Variants in IQGAP2 observed in about 807,000 individuals in gnomAD.
IQGAP2 encodes the protein IQ motif containing GTPase activating protein 2, also known as ras GTPase-activating-like protein IQGAP2.
Under a neutral mutation model 201.3 loss-of-function variants are expected in IQGAP2, and 173 were observed. The observed-to-expected ratio is 0.86, with a 90% CI of 0.76 to 0.98. The LOEUF is 0.98. Among genes scored for constraint, IQGAP2 ranks in the 50% least tolerant of loss-of-function variants. The probability of loss-of-function intolerance (pLI) is 0.00; values close to 1 mark genes in which losing one functional copy is unlikely to be tolerated. For synonymous variants in IQGAP2, 675 were observed against 673.9 expected (o/e 1.00, Z -0.03); for missense variants, 1,687 against 1,864.8 (o/e 0.90, Z 1.76).
chr5:76,511,322 G>T (rs772482275), intron 2 of IQGAP2, among the ~76,000 whole-genome samples: 6 of 152,174 alleles, frequency 3.9e-5, no homozygotes, highest in Non-Finnish European at 7.3e-5. Flanking sequence ...CAAGATGGCT[G>T]CCATGTCTCC....
At chr5:76,517,604 CAAAAA>C (rs36102224) in intron 2 of IQGAP2, among the ~76,000 whole-genome samples, 1 of 83,282 alleles carries the variant, frequency 1.2e-5, no homozygotes, top group Admixed American at 1.3e-4. Context: ...GACCCTGTTT[CAAAAA>C]AAAAAAAAAA....
chr5:76,429,440 T>C (rs560090973), intron 1 of IQGAP2, among the ~76,000 whole-genome samples: 2,473 of 150,776 alleles, frequency 0.016, 69 homozygotes, highest in African/African-American at 0.056. Flanking sequence ...GGCGTGGTGG[T>C]GGGTGCCTGT....
intron 3 of IQGAP2, among the ~76,000 whole-genome samples, chr5:76,565,338 A>G (rs948923912): frequency 1.6e-4 from 25 of 152,192 alleles, no homozygotes; most frequent in African/African-American, 5.3e-4. Context: ...AAAATATGTC[A>G]GCCTTGGCAC....
intron 17 of IQGAP2, among the ~76,000 whole-genome samples, chr5:76,646,423 A>G (rs1752042317): frequency 1.3e-5 from 2 of 152,354 alleles, no homozygotes; most frequent in South Asian, 2.1e-4. Context: ...TGCCTGGAAG[A>G]TTGGTAAAAG....
chr5:76,633,929 A>G (rs1210770941), intron 15 of IQGAP2, among the ~76,000 whole-genome samples: 1 of 151,950 alleles, frequency 6.6e-6, no homozygotes, highest in African/African-American at 2.4e-5. Context: ...CCATCAACTG[A>G]TGGAACCTGT....
chr5:76,638,942 T>G (rs1751357728), intron 16 of IQGAP2, among the ~76,000 whole-genome samples: 1 of 152,162 alleles, frequency 6.6e-6, no homozygotes, highest in Admixed American at 6.5e-5. Flanking sequence ...CAGAGGAATG[T>G]GAAATTGGAA....
chr5:76,471,039 T>G (rs1755067265), intron 2 of IQGAP2, among the ~76,000 whole-genome samples: 2 of 152,284 alleles, frequency 1.3e-5, no homozygotes, highest in Middle Eastern at 3.4e-3. Flanking sequence ...AATGAATCTG[T>G]TTTAAGAAAT....
chr5:76,403,523 G>C lies in IQGAP2; in HGVS notation c.-23G>C, dbSNP rs1438318534. Reference sequence around the variant, plus strand: ...GGTAGCCGCGGGGGGCGCGCCCCGGGCGGGCCCCCGGAGACGCGCAGGATG... The same window carrying C: ...GGTAGCCGCGGGGGGCGCGCCCCGGCCGGGCCCCCGGAGACGCGCAGGATG... On this transcript the variant is annotated 5_prime_UTR_variant, in exon 1 of 36. Transcript: ENST00000274364. This position sits in a 1 kb window ranked among gnomAD's most constrained non-coding sequence, Gnocchi z 4.8. 6.8e-7 allele frequency: 1 copy of C among 1,480,466 alleles called. No individual in the cohort carries two copies. The allele number at this position is 1,480,466 out of a possible 1,614,324, so 91.7% of individuals were successfully genotyped here. A position where few individuals can be genotyped will look rare whatever the true frequency, so the allele number is the denominator to read the frequency against.
chr5:76,440,175 C>G (rs935021640), intron 1 of IQGAP2, among the ~76,000 whole-genome samples: 1 of 152,084 alleles, frequency 6.6e-6, no homozygotes, highest in African/African-American at 2.4e-5. Flanking sequence ...AAAGATAGGA[C>G]CCCAGTCCCT....
At chr5:76,591,587 G>T (rs918906990) in intron 8 of IQGAP2, among the ~76,000 whole-genome samples, 1 of 151,932 alleles carries the variant, frequency 6.6e-6, no homozygotes, top group Non-Finnish European at 1.5e-5. Context: ...CATCTGGCAG[G>T]GTTGGCCTCC....
At chr5:76,692,150 A>G (rs1179003606) in intron 30 of IQGAP2, among the ~76,000 whole-genome samples, 1 of 152,120 alleles carries the variant, frequency 6.6e-6, no homozygotes, top group Non-Finnish European at 1.5e-5. Context: ...CTTTCTATCT[A>G]TCTATCTAGA....
chr5:76,458,653 A>G (rs115552827), intron 1 of IQGAP2, among the ~76,000 whole-genome samples: 1,951 of 152,306 alleles, frequency 0.013, 42 homozygotes, highest in African/African-American at 0.045. Flanking sequence ...AGGAAGTCCC[A>G]TGAGGGTACA....
At chr5:76,429,546 TG>T (rs1453636354) in intron 1 of IQGAP2, among the ~76,000 whole-genome samples, 5 of 146,866 alleles carry the variant, frequency 3.4e-5, no homozygotes, top group African/African-American at 1.3e-4. Flanking sequence ...CACTCCAGCC[TG>T]GGCGACAGAG....
At chr5:76,588,079 AT>A (rs548130762) in intron 5 of IQGAP2, among the ~76,000 whole-genome samples, 202 of 152,250 alleles carry the variant, frequency 1.3e-3, no homozygotes, top group African/African-American at 4.7e-3. Context: ...AACTTTCTTA[AT>A]GCATTTAATG....
chr5:76,585,400 T>C (rs972920860), intron 5 of IQGAP2, among the ~76,000 whole-genome samples: 5 of 152,202 alleles, frequency 3.3e-5, no homozygotes, highest in African/African-American at 1.2e-4. Flanking sequence ...AGGTATATTT[T>C]TGAATTTGTA....
chr5:76,630,083 T>C (rs985196255), intron 14 of IQGAP2, among the ~76,000 whole-genome samples: 10 of 152,238 alleles, frequency 6.6e-5, no homozygotes, highest in Admixed American at 5.9e-4. Flanking sequence ...TAGTTTCTTT[T>C]CCTGGTTGGT....
At chr5:76,663,540 T>G (rs1743460021) in intron 21 of IQGAP2, among the ~76,000 whole-genome samples, 1 of 152,022 alleles carries the variant, frequency 6.6e-6, no homozygotes, top group Non-Finnish European at 1.5e-5. Context: ...CCTTTAAAAG[T>G]GGAATAGAAT....
intron 16 of IQGAP2, among the ~76,000 whole-genome samples, chr5:76,637,888 T>C (rs917824406): frequency 6.6e-6 from 1 of 152,244 alleles, no homozygotes; most frequent in African/African-American, 2.4e-5. Context: ...TTAAACAAGA[T>C]ACATTGAACT....
chr5:76,613,080 C>T (rs1463693964), intron 13 of IQGAP2, among the ~76,000 whole-genome samples: 4 of 152,194 alleles, frequency 2.6e-5, no homozygotes, highest in African/African-American at 9.6e-5. Context: ...CTTTGCCAAG[C>T]GCCCCCACTC....
Sources: allele counts gnomAD v4.1 joint callset (sites outside exome capture counted in the v4.1 genomes callset), GRCh38; gene constraint gnomAD v4.1.1; non-coding constraint Gnocchi (gnomAD v3.1); transcripts MANE v1.5; gene names NCBI Gene and HGNC (gene_info 2026-07-23, HGNC 2026-07-21).